The following CAMK2D variants were observed in gnomAD, a reference collection of about 807,000 sequenced individuals.
The protein encoded by CAMK2D is calcium/calmodulin dependent protein kinase II delta.
CAMK2D carries 37 observed loss-of-function variants against 84.0 expected under a neutral mutation model. The observed-to-expected ratio is 0.44, with a 90% CI of 0.34 to 0.58. CAMK2D has a LOEUF of 0.58. Among genes scored for constraint, CAMK2D ranks in the 20% least tolerant of loss-of-function variants. The pLI is 0.02. For synonymous variants in CAMK2D, 202 were observed against 212.5 expected (o/e 0.95, Z 0.43); for missense variants, 448 against 652.5 (o/e 0.69, Z 3.41).
In CAMK2D at chr4:113,761,371, AGG is replaced by A; in HGVS notation, c.-305_-304del. 1 of 1,335,168 alleles carries A rather than the reference AGG, an allele frequency of 7.5e-7. No individual in the cohort carries two copies. 82.7% of individuals were successfully genotyped at this position (1,335,168 alleles called of 1,614,324 possible). ...TTTTCCAGTCCCTGTCCCCAAATGC[AGG>A]GGGTAAAGTACTCAAGAAGAGGGGG... On this transcript the variant is annotated 5_prime_UTR_variant, in exon 1 of 21. Coordinates refer to ENST00000511664, the MANE Select transcript of CAMK2D (RefSeq NM_001321571.2).
intron 2 of CAMK2D, among the ~76,000 whole-genome samples, chr4:113,711,025 T>G (rs999258389): frequency 2.0e-5 from 3 of 151,970 alleles, no homozygotes; most frequent in African/African-American, 7.2e-5. Context: ...TGCTATCTTG[T>G]TTTAAATTCT....
chr4:113,506,230 T>G (rs565839876), intron 13 of CAMK2D, among the ~76,000 whole-genome samples: 7 of 152,290 alleles, frequency 4.6e-5, no homozygotes, highest in African/African-American at 9.6e-5. Context: ...AAAACTAGTA[T>G]TGAGAGGAAG....
intron 2 of CAMK2D, among the ~76,000 whole-genome samples, chr4:113,672,651 G>C (rs1309322876): frequency 6.6e-6 from 1 of 151,380 alleles, no homozygotes; most frequent in Non-Finnish European, 1.5e-5. Context: ...TTAAAATCTT[G>C]CATCTATATA....
intron 3 of CAMK2D, among the ~76,000 whole-genome samples, chr4:113,617,010 C>G (rs1198911633): frequency 6.6e-6 from 1 of 152,032 alleles, no homozygotes; most frequent in Non-Finnish European, 1.5e-5. Context: ...ATAGAAAAAT[C>G]TTCCTTCCCT....
At chr4:113,691,754 A>AAATAAG (rs2099387877) in intron 2 of CAMK2D, among the ~76,000 whole-genome samples, 2 of 148,722 alleles carry the variant, frequency 1.3e-5, no homozygotes, top group African/African-American at 2.6e-5. Context: ...CCATCTCAAA[A>AAATAAG]AATAAAAATA....
Position 113,455,835 on chromosome 4 carries a change from C to A in CAMK2D, c.1536-14G>T, listed in dbSNP as rs765036496. Reference sequence around the variant, plus strand: ...ATACAGGGTGGCCTATTAAGAGAAGCCCCATTTAAGCCACCTGGCATAAAA... The same window carrying A: ...ATACAGGGTGGCCTATTAAGAGAAGACCCATTTAAGCCACCTGGCATAAAA... On this transcript the variant is annotated splice_polypyrimidine_tract_variant and intron_variant, in intron 19 of 20. Transcript: ENST00000511664. 2.6e-6 allele frequency: 4 copies of A among 1,521,422 alleles called. No homozygotes were observed. Among genetic ancestry groups the A allele is most frequent in the South Asian group, 1.1e-5 (1 of 89,180 alleles). The allele number at this position is 1,521,422 out of a possible 1,614,324, so 94.2% of individuals were successfully genotyped here.
Position 113,462,266 on chromosome 4 carries a change from A to ATGTGTGTGTGTGTG in CAMK2D, c.1212-2039_1212-2026dup, listed in dbSNP as rs143654780. 9.6e-4 allele frequency among the ~76,000 whole-genome samples: 105 copies of ATGTGTGTGTGTGTG among 109,838 alleles called. 1 individual carries two copies. The highest frequency in any genetic ancestry group is 5.0e-3 in the South Asian group (14 of 2,774). The allele number at this position is 109,838 out of a possible 152,430, so 72.1% of individuals were successfully genotyped here. ...TGAAAAAGAGTCAGTATATTTGGAA[A>ATGTGTGTGTGTGTG]TGTGTGTGTGTGTGTGTGTGTGTGT... On this transcript the variant is annotated intron_variant, in intron 17 of 20. Transcript: ENST00000511664.
chr4:113,534,827 T>G (rs1284001594), intron 7 of CAMK2D, among the ~76,000 whole-genome samples: 1 of 152,204 alleles, frequency 6.6e-6, no homozygotes, highest in African/African-American at 2.4e-5. Context: ...AAGAGGATAG[T>G]GACCTCACAG....
At chr4:113,475,134 T>A (rs2154122271) in intron 16 of CAMK2D, among the ~76,000 whole-genome samples, 1 of 152,344 alleles carries the variant, frequency 6.6e-6, no homozygotes, top group East Asian at 1.9e-4. Flanking sequence ...ATTTCATCCC[T>A]TTATGAAAAG....
intron 1 of CAMK2D, among the ~76,000 whole-genome samples, chr4:113,760,679 G>A (rs2099639290): frequency 6.6e-6 from 1 of 151,942 alleles, no homozygotes. Flanking sequence ...TTACACACAG[G>A]CGCGCGCGCA....
chr4:113,529,857 T>C (rs1444041535), intron 8 of CAMK2D, among the ~76,000 whole-genome samples: 1 of 152,186 alleles, frequency 6.6e-6, no homozygotes, highest in Admixed American at 6.5e-5. Context: ...GCTGGATCCA[T>C]TGAGAAGATA....
At chr4:113,738,619 CCTT>C (rs1246553065) in intron 2 of CAMK2D, among the ~76,000 whole-genome samples, 2 of 152,016 alleles carry the variant, frequency 1.3e-5, no homozygotes, top group Non-Finnish European at 2.9e-5. Flanking sequence ...TCCTGTATCT[CCTT>C]CTTAAGAATC....
chr4:113,587,966 A>G (rs1591595659), intron 4 of CAMK2D, among the ~76,000 whole-genome samples: 1 of 152,274 alleles, frequency 6.6e-6, no homozygotes, highest in Middle Eastern at 3.4e-3. Flanking sequence ...CAGGCAGAAA[A>G]TATTTCTTTC....
At chr4:113,566,422 C>T (rs1202885001) in intron 4 of CAMK2D, among the ~76,000 whole-genome samples, 1 of 152,194 alleles carries the variant, frequency 6.6e-6, no homozygotes, top group East Asian at 1.9e-4. Flanking sequence ...TATCCATTTT[C>T]CTCCACTTCC....
At chr4:113,536,932 T>C (rs1420923884) in intron 7 of CAMK2D, among the ~76,000 whole-genome samples, 1 of 152,198 alleles carries the variant, frequency 6.6e-6, no homozygotes, top group Non-Finnish European at 1.5e-5. Context: ...GTATTATATG[T>C]GAAATATCCT....
At chr4:113,727,541 T>C (rs892751705) in intron 2 of CAMK2D, among the ~76,000 whole-genome samples, 2 of 152,118 alleles carry the variant, frequency 1.3e-5, no homozygotes, top group East Asian at 1.9e-4. Flanking sequence ...AATCAAAGAC[T>C]GAAATCTAAA....
chr4:113,566,719 T>C (rs556658467), intron 4 of CAMK2D, among the ~76,000 whole-genome samples: 3 of 152,288 alleles, frequency 2.0e-5, no homozygotes, highest in East Asian at 1.9e-4. Flanking sequence ...GCTGTACCCA[T>C]TGTTCACACT....
chr4:113,629,186 C>T (rs113880207), intron 3 of CAMK2D, among the ~76,000 whole-genome samples: 3 of 151,984 alleles, frequency 2.0e-5, no homozygotes, highest in African/African-American at 7.2e-5. Context: ...CAGAACTACC[C>T]ATTGGACAGA....
intron 3 of CAMK2D, among the ~76,000 whole-genome samples, chr4:113,659,635 GACA>G (rs2099219702): frequency 1.3e-5 from 2 of 152,132 alleles, no homozygotes; most frequent in Non-Finnish European, 1.5e-5. Flanking sequence ...AACCAAACCT[GACA>G]ACACCTTCAT....
Sources: allele counts gnomAD v4.1 joint callset (sites outside exome capture counted in the v4.1 genomes callset), GRCh38; gene constraint gnomAD v4.1.1; transcripts MANE v1.5; gene names NCBI Gene and HGNC (gene_info 2026-07-23, HGNC 2026-07-21).